Variants in CRCP observed in about 807,000 individuals in gnomAD.
CRCP encodes CGRP receptor component, also known as DNA-directed RNA polymerase III subunit RPC9.
Under a neutral mutation model 18.5 loss-of-function variants are expected in CRCP, and 18 were observed. The ratio of observed to expected loss-of-function variants is 0.97; its 90% CI spans 0.67 to 1.44. The LOEUF (loss-of-function observed/expected upper bound fraction) is 1.44. Ranked by LOEUF, CRCP falls within the 40% of genes most tolerant of loss-of-function variation. The probability of loss-of-function intolerance (pLI) is 0.00; values close to 1 mark genes in which losing one functional copy is unlikely to be tolerated. For synonymous variants in CRCP, 53 were observed against 62.9 expected, an observed-to-expected ratio of 0.84 and a Z score of 0.75; for missense variants, 130 against 176.4, an observed-to-expected ratio of 0.74 and a Z score of 1.49.
chr7:66,145,605 C>A, intron 5 of CRCP, 105 bp downstream of exon 5: 1 of 1,166,276 alleles, frequency 8.6e-7, no homozygotes, highest in Non-Finnish European at 1.3e-6. Flanking sequence ...GGCTGCCCAA[C>A]CACTCCATTT....
intron 1 of CRCP, among the ~76,000 whole-genome samples, chr7:66,124,848 G>A (rs1787573851): frequency 6.7e-6 from 1 of 149,242 alleles, no homozygotes; most frequent in South Asian, 2.1e-4. Context: ...GAAACTTAGC[G>A]ATGATAATCT....
chr7:66,145,996 A>G (rs1050662308), intron 5 of CRCP, among the ~76,000 whole-genome samples: 8 of 151,518 alleles, frequency 5.3e-5, no homozygotes, highest in African/African-American at 1.7e-4. Flanking sequence ...TCTTCCTTTC[A>G]TCTCACAGTC....
chr7:66,146,374 G>T (rs570456937), intron 5 of CRCP, among the ~76,000 whole-genome samples: 19 of 151,926 alleles, frequency 1.3e-4, no homozygotes, highest in African/African-American at 4.4e-4. Flanking sequence ...CGCTGTGGCC[G>T]CTGCCTTCTT....
At chr7:66,136,131 G>T (rs1175553647) in intron 4 of CRCP, among the ~76,000 whole-genome samples, 2 of 152,052 alleles carry the variant, frequency 1.3e-5, no homozygotes, top group Non-Finnish European at 2.9e-5. Flanking sequence ...GTAGTTTCCA[G>T]TTCCTTTTCT....
intron 1 of CRCP, among the ~76,000 whole-genome samples, chr7:66,122,374 CAAAAAAAAA>C (rs939428601): frequency 1.7e-5 from 1 of 57,974 alleles, no homozygotes; most frequent in African/African-American, 7.1e-5. Flanking sequence ...GACTCCGTCT[CAAAAAAAAA>C]AAAAAAAAAA....
At chr7:66,151,568 G>GC (rs1193906941) in intron 5 of CRCP, among the ~76,000 whole-genome samples, 10 of 150,562 alleles carry the variant, frequency 6.6e-5, no homozygotes, top group Admixed American at 1.3e-4. Flanking sequence ...ACTCTGTCCT[G>GC]CCCCCCCAAA....
intron 4 of CRCP, among the ~76,000 whole-genome samples, chr7:66,135,907 G>T (rs1787958854): frequency 6.6e-6 from 1 of 150,518 alleles, no homozygotes; most frequent in Non-Finnish European, 1.5e-5. Flanking sequence ...GACAACAAGA[G>T]CAAAACTCTG....
rs184379243 is a variant in CRCP, at chr7:66,133,439, C to T, written c.145-841C>T. On this transcript the variant is annotated intron_variant, in intron 3 of 5. Coordinates refer to ENST00000395326, the MANE Select transcript of CRCP (RefSeq NM_014478.5). ...AGGAGAATGGTGTGAACCCAGGAGG[C>T]GGAGCTTGCAGTGAGCCGAGATCGT... Among the ~76,000 whole-genome samples, 108 of 150,640 alleles carry T rather than the reference C, an allele frequency of 7.2e-4. 2 individuals carry two copies. In the East Asian group the frequency reaches 0.019, roughly 26 times the overall value.
chr7:66,130,097 C>CTTT (rs35682014), intron 2 of CRCP: 1,379 of 100,498 alleles, frequency 0.014, 216 homozygotes, highest in African/African-American at 0.031. Context: ...AAGCAGGATT[C>CTTT]TTTTTTTTTT....
At chr7:66,131,722 G>T (rs370214206) in intron 3 of CRCP, among the ~76,000 whole-genome samples, 2 of 151,338 alleles carry the variant, frequency 1.3e-5, no homozygotes, top group Non-Finnish European at 2.9e-5. Context: ...TCACATCATT[G>T]CAAATCAAAG....
chr7:66,130,887 G>GA, intron 3 of CRCP, 45 bp downstream of exon 3: 1 of 1,038,840 alleles, frequency 9.6e-7, no homozygotes, highest in Middle Eastern at 2.1e-4. Flanking sequence ...ACCATTGAGG[G>GA]AGGGGGGTTT....
At chr7:66,151,767 T>G (rs1235245549) in intron 5 of CRCP, among the ~76,000 whole-genome samples, 1 of 146,326 alleles carries the variant, frequency 6.8e-6, no homozygotes, top group African/African-American at 2.5e-5. Flanking sequence ...TTTTTTTTTT[T>G]TTTTAGACAA....
intron 4 of CRCP, among the ~76,000 whole-genome samples, chr7:66,137,857 G>C (rs964894737): frequency 1.3e-5 from 2 of 151,966 alleles, no homozygotes; most frequent in Non-Finnish European, 2.9e-5. Flanking sequence ...TTTGTGTTAT[G>C]GTTGTATTTA....
intron 1 of CRCP, among the ~76,000 whole-genome samples, chr7:66,127,277 A>C (rs907461413): frequency 6.6e-6 from 1 of 152,212 alleles, no homozygotes; most frequent in African/African-American, 2.4e-5. Flanking sequence ...ACTGCTTGCC[A>C]CCCTGACTGT....
chr7:66,128,934 C>T (rs1391731613), intron 2 of CRCP, among the ~76,000 whole-genome samples: 1 of 152,130 alleles, frequency 6.6e-6, no homozygotes, highest in Non-Finnish European at 1.5e-5. Context: ...TGCAGTGTCT[C>T]ACGCCTGTAA....
chr7:66,141,367 C>T lies in CRCP; in HGVS notation c.240-4076C>T, dbSNP rs1036424535. Among the ~76,000 whole-genome samples, 10 of 152,210 alleles carry T rather than the reference C, an allele frequency of 6.6e-5. No individual in the cohort carries two copies. The East Asian group carries it at 1.5e-3, about 24-fold the overall frequency. ...TTAACCACGTGCACTTCTCCCACCT[C>T]GCCCACCCTGCTGCCCGTCCCCGCC... is the stretch of plus-strand genomic sequence containing the variant. On this transcript the variant is annotated intron_variant, in intron 4 of 5. Transcript: ENST00000395326.
chr7:66,151,433 G>A (rs1337793192), intron 5 of CRCP, among the ~76,000 whole-genome samples: 1 of 152,072 alleles, frequency 6.6e-6, no homozygotes, highest in Non-Finnish European at 1.5e-5. Context: ...ACTGTCTGTG[G>A]TGGCTCGTGC....
chr7:66,141,631 A>G (rs1018470996), intron 4 of CRCP, among the ~76,000 whole-genome samples: 1 of 152,198 alleles, frequency 6.6e-6, no homozygotes, highest in Non-Finnish European at 1.5e-5. Context: ...GGTGTCATGG[A>G]AGCCCCGAGG....
intron 1 of CRCP, among the ~76,000 whole-genome samples, chr7:66,122,387 A>AAAAT (rs916561824): frequency 2.6e-5 from 4 of 151,676 alleles, no homozygotes; most frequent in Non-Finnish European, 5.9e-5. Context: ...AAAAAAAAAA[A>AAAAT]AAAAAAAAGG....
Sources: allele counts gnomAD v4.1 joint callset (sites outside exome capture counted in the v4.1 genomes callset), GRCh38; gene constraint gnomAD v4.1.1; transcripts MANE v1.5; gene names NCBI Gene and HGNC (gene_info 2026-07-23, HGNC 2026-07-21).